PGBD5: variants seen among roughly 807,000 people sequenced by gnomAD.
PGBD5 encodes piggyBac transposable element derived 5.
Under a neutral mutation model 47.9 loss-of-function variants are expected in PGBD5, and 14 were observed. That is an observed-to-expected ratio of 0.29 (90% CI 0.19 to 0.46). The LOEUF (loss-of-function observed/expected upper bound fraction) is 0.46. Among genes scored for constraint, PGBD5 ranks in the 20% least tolerant of loss-of-function variants. The probability of loss-of-function intolerance (pLI) is 1.00; values close to 1 mark genes in which losing one functional copy is unlikely to be tolerated. For missense variants in PGBD5, 635 were observed against 716.0 expected (o/e 0.89, Z 1.29); for synonymous variants, 316 against 306.3 (o/e 1.03, Z -0.33).
chr1:230,328,331 A>G (rs1667156463), intron 5 of PGBD5, among the ~76,000 whole-genome samples: 1 of 152,072 alleles, frequency 6.6e-6, no homozygotes, highest in African/African-American at 2.4e-5. Flanking sequence ...AGCTGTTTCC[A>G]CACCAGATCT....
rs773389998 is a variant in PGBD5, at chr1:230,356,991, C to T, written c.662G>A (p.Arg221His). 1.9e-5 allele frequency: 31 copies of T among 1,614,186 alleles called. No homozygotes were observed. Among genetic ancestry groups the T allele is most frequent in the Middle Eastern group, 1.6e-4 (1 of 6,062 alleles). ...ILKYFHVVAF[R>H]SSQTTHGLYK... ...GAGCCCGTGCGTGGTCTGGCTGGAG[C>T]GGAAGGCCACGACGTGGAAGTACTT... is the stretch of plus-strand genomic sequence containing the variant. Residue 221 changes from arginine (R) to histidine (H), a missense_variant, in exon 2 of 7, where the codon CGC becomes CAC. Arg to His is a conservative substitution (Grantham distance 29). Transcript: ENST00000391860.
chr1:230,412,668 A>G (rs915478290), intron 1 of PGBD5, among the ~76,000 whole-genome samples: 12 of 152,092 alleles, frequency 7.9e-5, no homozygotes, highest in African/African-American at 2.7e-4. Context: ...GATTACAGGC[A>G]TGAGCCACCG....
intron 2 of PGBD5, among the ~76,000 whole-genome samples, chr1:230,354,046 G>A (rs1024370874): frequency 1.3e-5 from 2 of 152,192 alleles, no homozygotes; most frequent in East Asian, 1.9e-4. Context: ...TGGAAAGCCC[G>A]GGGCATCCTC....
At chr1:230,387,386 C>T (rs1336166294) in intron 1 of PGBD5, among the ~76,000 whole-genome samples, 3 of 152,114 alleles carry the variant, frequency 2.0e-5, no homozygotes, top group African/African-American at 7.2e-5. Context: ...GATTTAGAAG[C>T]AGAATAAAGA....
intron 1 of PGBD5, among the ~76,000 whole-genome samples, chr1:230,386,451 G>C (rs1656640818): frequency 6.6e-6 from 1 of 152,226 alleles, no homozygotes; most frequent in South Asian, 2.1e-4. Flanking sequence ...CTGGTAATCT[G>C]CCTAGAGCAC....
In PGBD5 at chr1:230,325,368, C is replaced by T. The variant is rs779820889; in HGVS notation, c.1321G>A (p.Val441Met). 4.3e-6 allele frequency: 7 copies of T among 1,613,808 alleles called. No individual in the cohort carries two copies. The highest frequency in any genetic ancestry group is 1.1e-5 in the South Asian group (1 of 90,984). ...KSGEIPCPLA[V>M]EAFAAHLSYI... ...CTCAGGTGAGCGGCAAACGCCTCCA[C>T]GGCCAAGGGGCATGGGATCTCCCCA... The change falls in exon 6 of 7, where the codon GTG becomes ATG. Residue 441 changes from valine (V) to methionine (M), a missense_variant. By Grantham distance (21) the Val-to-Met change is conservative. Transcript: ENST00000391860.
chr1:230,399,041 A>G (rs1043726781), intron 1 of PGBD5, among the ~76,000 whole-genome samples: 4 of 139,772 alleles, frequency 2.9e-5, no homozygotes, highest in African/African-American at 1.1e-4. Context: ...TTTCTTGGCA[A>G]CCCTCACAGG....
chr1:230,385,591 T>C (rs1358952741), intron 1 of PGBD5, among the ~76,000 whole-genome samples: 1 of 152,096 alleles, frequency 6.6e-6, no homozygotes, highest in Admixed American at 6.6e-5. Flanking sequence ...TCACTTATTA[T>C]AGAGAAAATT....
chr1:230,368,513 G>A (rs1382628565), intron 1 of PGBD5, among the ~76,000 whole-genome samples: 1 of 152,262 alleles, frequency 6.6e-6, no homozygotes, highest in East Asian at 1.9e-4. Flanking sequence ...TTAGAACAGT[G>A]TCTGGCCCCT....
intron 3 of PGBD5, among the ~76,000 whole-genome samples, chr1:230,339,152 G>A (rs10864745): frequency 0.4 from 60,540 of 152,086 alleles, 13,215 homozygotes; most frequent in Non-Finnish European, 0.46. Flanking sequence ...GAACTGCAAC[G>A]TGATAGCTGA....
At position 230,317,503 on chromosome 1, in the gene PGBD5, G is replaced by A. The variant is rs1284025234; in HGVS notation, c.*5922C>T. On this transcript the variant is annotated 3_prime_UTR_variant, in exon 7 of 7. Transcript: ENST00000391860. ...TAACTGTCACTCTTTAGTCCAGCGAGGCTTGGGTGAAGACGGCAGAAGAAT... is the reference window on the plus strand; with the variant it reads ...TAACTGTCACTCTTTAGTCCAGCGAAGCTTGGGTGAAGACGGCAGAAGAAT... The A allele has an allele frequency of 6.6e-6, 1 of 152,274 alleles. No individual in the cohort carries two copies. 9.4% of individuals were successfully genotyped at this position (152,274 alleles called of 1,614,324 possible).
intron 5 of PGBD5, among the ~76,000 whole-genome samples, chr1:230,326,290 C>T (rs866992910): frequency 3.3e-5 from 5 of 152,080 alleles, no homozygotes; most frequent in African/African-American, 9.7e-5. Context: ...CGGTGGCAGG[C>T]GCCTGTAATT....
At chr1:230,340,207 A>C (rs1370758864) in intron 3 of PGBD5, among the ~76,000 whole-genome samples, 3 of 152,208 alleles carry the variant, frequency 2.0e-5, no homozygotes, top group African/African-American at 7.2e-5. Flanking sequence ...CAAGGTAACA[A>C]TCAGAAATGT....
chr1:230,328,817 G>A (rs1371239723), intron 5 of PGBD5, among the ~76,000 whole-genome samples: 1 of 152,224 alleles, frequency 6.6e-6, no homozygotes, highest in East Asian at 1.9e-4. Flanking sequence ...CTTAGTGAAT[G>A]TGAATCCTAA....
In PGBD5 at chr1:230,323,438, G is replaced by A; in HGVS notation, c.1562C>T (p.Ser521Phe). ...GCGCCCCCAGCATCAGTGGGTCGGA[G>A]AGGCATCCTCCAAGCCCAGCAGCTC... ...VRELLGLEDA[S>F]PTH is the part of the protein sequence containing the mutation. The change falls in exon 7 of 7, where the codon TCT becomes TTT. Residue 521 changes from serine to phenylalanine, a missense_variant. Coordinates refer to ENST00000391860, the MANE Select transcript of PGBD5 (RefSeq NM_001258311.2). This position sits in a 1 kb window ranked among gnomAD's most constrained non-coding sequence, Gnocchi z 4.1. 1 of 1,613,806 alleles carries A rather than the reference G, an allele frequency of 6.2e-7. No individual in the cohort carries two copies. Among genetic ancestry groups the A allele is most frequent in the Non-Finnish European group, 8.5e-7 (1 of 1,179,854 alleles).
At position 230,425,964 on chromosome 1, in the gene PGBD5, T is replaced by A. The variant is rs1657774578; in HGVS notation, c.-36A>T. 2.2e-6 allele frequency: 2 copies of A among 894,932 alleles called. No individual in the cohort carries two copies. The allele number at this position is 894,932 out of a possible 1,614,324, so 55.4% of individuals were successfully genotyped here. ...GCCGCCCGCGCGCCCGCCCCCACAGTGCCTCCCAGCCGCACACGCCGGGCC... is the reference window on the plus strand; with the variant it reads ...GCCGCCCGCGCGCCCGCCCCCACAGAGCCTCCCAGCCGCACACGCCGGGCC... On this transcript the variant is annotated 5_prime_UTR_variant, in exon 1 of 7. Coordinates refer to ENST00000391860, the MANE Select transcript of PGBD5 (RefSeq NM_001258311.2). This position sits in a 1 kb window ranked among gnomAD's most constrained non-coding sequence, Gnocchi z 4.7.
chr1:230,417,137 G>A (rs1342957252), intron 1 of PGBD5, among the ~76,000 whole-genome samples: 1 of 152,132 alleles, frequency 6.6e-6, no homozygotes, highest in East Asian at 1.9e-4. Context: ...TTTATACCCT[G>A]TGGGAGAATA....
At chr1:230,326,759 G>A (rs150143251) in intron 5 of PGBD5, among the ~76,000 whole-genome samples, 1 of 152,308 alleles carries the variant, frequency 6.6e-6, no homozygotes, top group Non-Finnish European at 1.5e-5. Flanking sequence ...ACATGTGCGA[G>A]CCTCCACGCG....
At chr1:230,368,542 T>C (rs1038308903) in intron 1 of PGBD5, among the ~76,000 whole-genome samples, 12 of 152,112 alleles carry the variant, frequency 7.9e-5, no homozygotes, top group African/African-American at 2.9e-4. Context: ...TCTTGCGGAG[T>C]GAGTGAATGA....
Sources: allele counts gnomAD v4.1 joint callset (sites outside exome capture counted in the v4.1 genomes callset), GRCh38; gene constraint gnomAD v4.1.1; non-coding constraint Gnocchi (gnomAD v3.1); transcripts MANE v1.5; gene names NCBI Gene and HGNC (gene_info 2026-07-23, HGNC 2026-07-21).